Variants in SRGAP2 observed in about 807,000 individuals in gnomAD.
SRGAP2 encodes the protein SLIT-ROBO Rho GTPase-activating protein 2.
In SRGAP2, 15 loss-of-function variants were observed where a neutral mutation model predicts 57.2. That is an observed-to-expected ratio of 0.26 (90% confidence interval 0.18 to 0.40). The LOEUF is 0.40. Ranked by LOEUF, SRGAP2 falls within the 10% of genes least tolerant of loss-of-function variation. SRGAP2 has a pLI of 1.00. For synonymous variants in SRGAP2, 249 were observed against 248.0 expected (o/e 1.00, Z -0.04); for missense variants, 520 against 669.6 (o/e 0.78, Z 2.47).
At chr1:206,443,071 G>T (rs1247277343) in intron 17 of SRGAP2, among the ~76,000 whole-genome samples, 1 of 152,140 alleles carries the variant, frequency 6.6e-6, no homozygotes, top group Non-Finnish European at 1.5e-5. Flanking sequence ...TCATTAAAAA[G>T]TTAAAAATCC....
At chr1:206,291,749 G>A (rs1490387460) in intron 2 of SRGAP2, among the ~76,000 whole-genome samples, 9 of 149,032 alleles carry the variant, frequency 6.0e-5, no homozygotes, top group Non-Finnish European at 5.9e-5. Context: ...ACTTTTGTGG[G>A]GACAGTTTAC....
intron 4 of SRGAP2, among the ~76,000 whole-genome samples, chr1:206,377,036 G>T (rs1460839016): frequency 1.3e-5 from 2 of 152,138 alleles, no homozygotes; most frequent in African/African-American, 2.4e-5. Flanking sequence ...AGAGGATTCA[G>T]AAAAATGCTT....
chr1:206,226,683 C>G, intron 2 of SRGAP2, among the ~76,000 whole-genome samples: 1 of 151,988 alleles, frequency 6.6e-6, no homozygotes, highest in Non-Finnish European at 1.5e-5. Context: ...TTTGCTGCAA[C>G]AGAAGAAAGT....
chr1:206,455,631 C>T (rs550181312), intron 21 of SRGAP2: 1 of 153,608 alleles, frequency 6.5e-6, no homozygotes, highest in Non-Finnish European at 1.5e-5. Context: ...ACCCCTAGCT[C>T]CCTTTTCTTC....
chr1:206,439,548 T>C (rs536361907), intron 16 of SRGAP2, among the ~76,000 whole-genome samples: 1 of 151,896 alleles, frequency 6.6e-6, no homozygotes, highest in Non-Finnish European at 1.5e-5. Flanking sequence ...GGCAGCTCCC[T>C]GTCAGTGGTT....
rs1212462413 is a variant in SRGAP2 at position 206,278,871 on chromosome 1, A to G, written c.68-24410A>G. Among the ~76,000 whole-genome samples the G allele has an allele frequency of 2.7e-5, 4 of 148,228 alleles. 1 individual carries two copies. Among genetic ancestry groups the G allele is most frequent in the Non-Finnish European group, 5.9e-5 (4 of 67,800 alleles). ...GTATTTGAGGAATGGCAAGAAGGCC[A>G]CTGTGGCTGAAGCAGAGTGCTCTGG... is the stretch of plus-strand genomic sequence containing the variant. On this transcript the variant is annotated intron_variant, in intron 2 of 22. Transcript: ENST00000573034.
intron 2 of SRGAP2, among the ~76,000 whole-genome samples, chr1:206,239,858 A>C (rs1457638253): frequency 6.6e-6 from 1 of 151,172 alleles, no homozygotes; most frequent in East Asian, 1.9e-4. Context: ...TTTTTGACAG[A>C]TATCTTGAGA....
At chr1:206,307,166 A>C (rs1428995746) in intron 3 of SRGAP2, among the ~76,000 whole-genome samples, 1 of 152,212 alleles carries the variant, frequency 6.6e-6, no homozygotes, top group Admixed American at 6.5e-5. Flanking sequence ...TGTGTTTACA[A>C]ACCTTGAGCT....
At chr1:206,448,173 G>C (rs1405902202) in intron 18 of SRGAP2, among the ~76,000 whole-genome samples, 1 of 152,170 alleles carries the variant, frequency 6.6e-6, no homozygotes, top group Admixed American at 6.5e-5. Context: ...AGGTGAGTGA[G>C]GGTGGTAGAA....
chr1:206,333,335 G>A lies in SRGAP2; in HGVS notation c.261-9511G>A, dbSNP rs1265809022. 4 of 1,204,476 alleles carry A rather than the reference G, an allele frequency of 3.3e-6. No individual in the cohort carries two copies. The South Asian group carries it at 3.7e-5, about 11-fold the overall frequency. 74.6% of individuals were successfully genotyped at this position (1,204,476 alleles called of 1,614,324 possible). Reference sequence around the variant, plus strand: ...CCCTACACTGAATCATTTATTTTGAGCCAGGGCTTGAAGCAGACAATCCAA... The same window carrying A: ...CCCTACACTGAATCATTTATTTTGAACCAGGGCTTGAAGCAGACAATCCAA... On this transcript the variant is annotated intron_variant, in intron 3 of 22. Coordinates refer to ENST00000573034, the MANE Select transcript of SRGAP2 (RefSeq NM_015326.5).
chr1:206,332,503 C>T (rs1674437157), intron 3 of SRGAP2, among the ~76,000 whole-genome samples: 1 of 150,900 alleles, frequency 6.6e-6, no homozygotes, highest in East Asian at 1.9e-4. Flanking sequence ...AGGCTTTGCT[C>T]ATTTCTTTTT....
At chr1:206,418,008 C>T (rs1426370143) in intron 11 of SRGAP2, among the ~76,000 whole-genome samples, 1 of 151,144 alleles carries the variant, frequency 6.6e-6, no homozygotes, top group Non-Finnish European at 1.5e-5. Flanking sequence ...TTTACTCACA[C>T]ATTTATGCAC....
intron 5 of SRGAP2, among the ~76,000 whole-genome samples, chr1:206,385,344 C>T (rs543829966): frequency 6.7e-6 from 1 of 149,802 alleles, no homozygotes; most frequent in Admixed American, 6.7e-5. Flanking sequence ...TTTCCTGAAC[C>T]TTGTCTTTTT....
intron 3 of SRGAP2, among the ~76,000 whole-genome samples, chr1:206,318,919 G>A (rs1172516413): frequency 6.6e-6 from 1 of 151,760 alleles, no homozygotes; most frequent in Non-Finnish European, 1.5e-5. Flanking sequence ...GATTTGGGGG[G>A]GGACAGACAT....
At chr1:206,239,945 T>C (rs1175400571) in intron 2 of SRGAP2, among the ~76,000 whole-genome samples, 1 of 151,126 alleles carries the variant, frequency 6.6e-6, no homozygotes, top group Non-Finnish European at 1.5e-5. Flanking sequence ...TCTGGGTCTT[T>C]TTCGGATTAC....
intron 3 of SRGAP2, among the ~76,000 whole-genome samples, chr1:206,327,042 A>G (rs1673954438): frequency 6.6e-6 from 1 of 152,068 alleles, no homozygotes; most frequent in African/African-American, 2.4e-5. Context: ...AAAAAAAAGT[A>G]TGGGCCGGGT....
At chr1:206,255,237 T>C (rs1553312054) in intron 2 of SRGAP2, among the ~76,000 whole-genome samples, 3 of 151,174 alleles carry the variant, frequency 2.0e-5, no homozygotes, top group Non-Finnish European at 1.5e-5. Context: ...CGAGATCTTA[T>C]TGGCCTGTCT....
rs376733984 is a variant in SRGAP2, at chr1:206,386,882, T to C, written c.486+2806T>C. On this transcript the variant is annotated intron_variant, in intron 5 of 22. Coordinates refer to ENST00000573034, the MANE Select transcript of SRGAP2 (RefSeq NM_015326.5). ...GCTCATGCCCGTAATCCCAGCACTT[T>C]GGGAGGCTGAGGTGGGCGGATCATG... Among the ~76,000 whole-genome samples the C allele has an allele frequency of 6.0e-5, 9 of 150,782 alleles. No individual in the cohort carries two copies. In the East Asian group the frequency reaches 1.4e-3, roughly 23 times the overall value.
chr1:206,339,791 CT>C (rs1320772678), intron 3 of SRGAP2, among the ~76,000 whole-genome samples: 1 of 149,736 alleles, frequency 6.7e-6, no homozygotes, highest in African/African-American at 2.5e-5. Context: ...GTTCTTTTTT[CT>C]TTTTTTTCTT....
Sources: allele counts gnomAD v4.1 joint callset (sites outside exome capture counted in the v4.1 genomes callset), GRCh38; gene constraint gnomAD v4.1.1; transcripts MANE v1.5; gene names NCBI Gene and HGNC (gene_info 2026-07-23, HGNC 2026-07-21).